The following B4GALNT3 variants were observed in gnomAD, a reference collection of about 807,000 sequenced individuals.
B4GALNT3 encodes the protein beta-1,4-N-acetylgalactosaminyltransferase 3.
Under a neutral mutation model 120.2 loss-of-function variants are expected in B4GALNT3, and 86 were observed. That is an observed-to-expected ratio of 0.72 (90% confidence interval 0.60 to 0.86). B4GALNT3 has a LOEUF of 0.86. Ranked by LOEUF, B4GALNT3 falls within the 40% of genes least tolerant of loss-of-function variation. The pLI is 0.00. For missense variants in B4GALNT3, 1,167 were observed against 1,298.9 expected (o/e 0.90, Z 1.56); for synonymous variants, 518 against 510.4 (o/e 1.01, Z -0.20).
intron 1 of B4GALNT3, among the ~76,000 whole-genome samples, chr12:512,179 G>GCCTTCCA (rs1394825945): frequency 1.2e-4 from 2 of 16,646 alleles, no homozygotes; most frequent in Non-Finnish European, 2.0e-4. Context: ...TCCGCCTTCC[G>GCCTTCCA]CCTTCCACCT....
rs2120756775 is a variant in B4GALNT3 at position 561,469 on chromosome 12, G to A, written c.*18G>A. ...CGCTGTAGCCGGAGGGTGTCCGCGG[G>A]GCCCAGCACTCCCCGCTCTGGACTA... On this transcript the variant is annotated 3_prime_UTR_variant, in exon 20 of 20. Coordinates refer to ENST00000266383, the MANE Select transcript of B4GALNT3 (RefSeq NM_173593.4). 4 of 1,579,350 alleles carry A rather than the reference G, an allele frequency of 2.5e-6. No individual in the cohort carries two copies. The highest frequency in any genetic ancestry group is 2.2e-5 in the East Asian group (1 of 44,602).
rs76938575 is a variant in B4GALNT3, at chr12:507,616, C to A, written c.170-27550C>A. ...ACATCCCTCACCCCACACCCTACGC[C>A]CTGCGAGTGGCTCTGTGTTTACATA... On this transcript the variant is annotated intron_variant, in intron 1 of 19. Transcript: ENST00000266383. 1.3e-3 allele frequency among the ~76,000 whole-genome samples: 201 copies of A among 152,234 alleles called. 4 individuals carry two copies. Among genetic ancestry groups the A allele is most frequent in the South Asian group, 6.2e-4 (3 of 4,832 alleles).
In B4GALNT3 at chr12:477,707, G is replaced by A. The variant is rs759651951; in HGVS notation, c.169+17162G>A. 2.0e-5 allele frequency among the ~76,000 whole-genome samples: 3 copies of A among 152,148 alleles called. No homozygotes were observed. The South Asian group carries it at 6.2e-4, about 32-fold the overall frequency. On this transcript the variant is annotated intron_variant, in intron 1 of 19. Coordinates refer to ENST00000266383, the MANE Select transcript of B4GALNT3 (RefSeq NM_173593.4). ...TTGATTTTAGATCAGAAGAATCCTG[G>A]AACACATGAATGATGAAGCCCTTTG...
At chr12:466,155 C>T (rs1391269620) in intron 1 of B4GALNT3, among the ~76,000 whole-genome samples, 1 of 152,112 alleles carries the variant, frequency 6.6e-6, no homozygotes, top group East Asian at 1.9e-4. Context: ...TGTTCAGACG[C>T]TGTGCATGGT....
chr12:494,732 A>G (rs558496075), intron 1 of B4GALNT3, among the ~76,000 whole-genome samples: 3 of 151,848 alleles, frequency 2.0e-5, no homozygotes, highest in South Asian at 4.2e-4. Context: ...CCTATCAATC[A>G]ATGCACACCA....
intron 1 of B4GALNT3, among the ~76,000 whole-genome samples, chr12:469,635 A>G (rs1320434558): frequency 6.6e-6 from 1 of 152,024 alleles, no homozygotes; most frequent in East Asian, 1.9e-4. Flanking sequence ...GGTGGGGGCC[A>G]GGTTAGGAGT....
Position 507,589 on chromosome 12 carries a change from C to G in B4GALNT3, c.170-27577C>G, listed in dbSNP as rs367812286. On this transcript the variant is annotated intron_variant, in intron 1 of 19. Transcript: ENST00000266383. ...GACCCTTCACCCCACGCCCTCCACC[C>G]TACATCCCTCACCCCACACCCTACG... 5.3e-5 allele frequency among the ~76,000 whole-genome samples: 8 copies of G among 152,362 alleles called. 1 individual carries two copies.
chr12:535,813 A>G (rs1044623937), intron 2 of B4GALNT3, among the ~76,000 whole-genome samples: 2 of 152,214 alleles, frequency 1.3e-5, no homozygotes, highest in Admixed American at 6.5e-5. Context: ...TAGAACAGAC[A>G]TGGATTCCAG....
chr12:552,100 G>A lies in B4GALNT3; in HGVS notation c.1145G>A (p.Arg382His), dbSNP rs781629095. 2.2e-5 allele frequency: 36 copies of A among 1,612,878 alleles called. No individual in the cohort carries two copies. The highest frequency in any genetic ancestry group is 3.3e-4 in the Middle Eastern group (2 of 6,078). ...TTTGTTTACCCCAATGACTATACCCGCCTGAGCCACATGGAGACCCACAAT... is the reference window on the plus strand; with the variant it reads ...TTTGTTTACCCCAATGACTATACCCACCTGAGCCACATGGAGACCCACAAT... ...LSFVYPNDYT[R>H]LSHMETHNKC... The change falls in exon 12 of 20, where the codon CGC becomes CAC. Residue 382 changes from arginine to histidine, a missense_variant. Arg to His is a conservative substitution (Grantham distance 29). Transcript: ENST00000266383.
chr12:506,920 GC>G (rs1946503034), intron 1 of B4GALNT3, among the ~76,000 whole-genome samples: 1 of 152,256 alleles, frequency 6.6e-6, no homozygotes, highest in Non-Finnish European at 1.5e-5. Flanking sequence ...ACAGGCGTGA[GC>G]CACCGTGCCC....
chr12:486,958 A>G (rs907951595), intron 1 of B4GALNT3, among the ~76,000 whole-genome samples: 3 of 152,218 alleles, frequency 2.0e-5, no homozygotes, highest in African/African-American at 7.2e-5. Flanking sequence ...AACATGCAAG[A>G]ACAGATGGCT....
Position 550,180 on chromosome 12 carries a change from C to T in B4GALNT3, c.997+268C>T, listed in dbSNP as rs546365730. ...CACAACAAGAAATAGAGTTAGAACC[C>T]GGAAGTCCCCCACACATCCCTTCCC... On this transcript the variant is annotated intron_variant, in intron 10 of 19. Coordinates refer to ENST00000266383, the MANE Select transcript of B4GALNT3 (RefSeq NM_173593.4). The surrounding 1 kb of genome is among the most constrained non-coding windows in gnomAD (Gnocchi z 4.1). 1.9e-3 allele frequency among the ~76,000 whole-genome samples: 285 copies of T among 152,306 alleles called. 1 individual carries two copies. Among genetic ancestry groups the T allele is most frequent in the Middle Eastern group, 0.01 (3 of 294 alleles).
At chr12:547,102 C>T (rs1947017245) in intron 7 of B4GALNT3, among the ~76,000 whole-genome samples, 1 of 152,176 alleles carries the variant, frequency 6.6e-6, no homozygotes, top group Admixed American at 6.5e-5. Flanking sequence ...GAGCGTAGCG[C>T]GGCCTCAGAG....
intron 1 of B4GALNT3, among the ~76,000 whole-genome samples, chr12:477,769 C>T (rs1946198059): frequency 6.6e-6 from 1 of 152,146 alleles, no homozygotes; most frequent in Non-Finnish European, 1.5e-5. Context: ...ACATTGCTGT[C>T]TTATCCGTTA....
chr12:472,539 G>A (rs1565587552), intron 1 of B4GALNT3, among the ~76,000 whole-genome samples: 1 of 152,126 alleles, frequency 6.6e-6, no homozygotes, highest in African/African-American at 2.4e-5. Flanking sequence ...CCGGGTTCAC[G>A]CCATTCTCCT....
intron 3 of B4GALNT3, among the ~76,000 whole-genome samples, chr12:538,581 A>AG (rs1178559288): frequency 9.3e-5 from 14 of 151,242 alleles, no homozygotes; most frequent in Non-Finnish European, 1.5e-4. Context: ...AAAAAAAAAA[A>AG]GAAATATTGG....
chr12:473,166 G>A (rs1216854326), intron 1 of B4GALNT3, among the ~76,000 whole-genome samples: 2 of 151,912 alleles, frequency 1.3e-5, no homozygotes, highest in African/African-American at 4.8e-5. Flanking sequence ...ATGGGCCTCA[G>A]TATGTTGTCC....
intron 12 of B4GALNT3, 85 bp from the exon 13 acceptor site, chr12:552,382 C>G (rs1402404416): frequency 6.4e-6 from 9 of 1,404,130 alleles, no homozygotes; most frequent in Non-Finnish European, 8.0e-6. Flanking sequence ...GGCAAAACGT[C>G]AGACTCCTGC....
In B4GALNT3 at chr12:560,276, C is replaced by T. The variant is rs139524411; in HGVS notation, c.2888+855C>T. ...GTCAGGAGCACTGGGGGCGGGACCT[C>T]GACACGAAGACACGCTCACTTCTTC... On this transcript the variant is annotated intron_variant, in intron 19 of 19. Transcript: ENST00000266383. 3.2e-3 allele frequency among the ~76,000 whole-genome samples: 491 copies of T among 152,208 alleles called. 3 individuals carry two copies. The highest frequency in any genetic ancestry group is 0.019 in the Admixed American group (295 of 15,294).
Sources: allele counts gnomAD v4.1 joint callset (sites outside exome capture counted in the v4.1 genomes callset), GRCh38; gene constraint gnomAD v4.1.1; non-coding constraint Gnocchi (gnomAD v3.1); transcripts MANE v1.5; gene names NCBI Gene and HGNC (gene_info 2026-07-23, HGNC 2026-07-21).